Variants in FBXO4 observed in about 807,000 individuals in gnomAD.
FBXO4 encodes the protein F-box protein 4.
In FBXO4, 36 loss-of-function variants were observed where a neutral mutation model predicts 43.7. That is an observed-to-expected ratio of 0.82 (90% CI 0.63 to 1.09). The LOEUF is 1.09. Ranked by LOEUF, FBXO4 falls within the 50% of genes least tolerant of loss-of-function variation. The pLI is 0.00. For synonymous variants in FBXO4, 180 were observed against 165.6 expected (o/e 1.09, Z -0.67); for missense variants, 435 against 474.1 (o/e 0.92, Z 0.77).
chr5:41,962,346 T>C, the FBXO4 span, among the ~76,000 whole-genome samples: 1 of 152,292 alleles, frequency 6.6e-6, no homozygotes, highest in East Asian at 1.9e-4. Context: ...GAGGGATTCT[T>C]ATTAGCTATC....
chr5:42,008,548 G>A, the FBXO4 span, among the ~76,000 whole-genome samples: 1 of 152,092 alleles, frequency 6.6e-6, no homozygotes, highest in Non-Finnish European at 1.5e-5. Context: ...CTAAGACTTT[G>A]TGCCTACAGA....
At chr5:42,021,822 CAG>C in the FBXO4 span, among the ~76,000 whole-genome samples, 1 of 151,836 alleles carries the variant, frequency 6.6e-6, no homozygotes, top group South Asian at 2.1e-4. Context: ...TTTAAAGAGA[CAG>C]AATGTTGAAG....
intron 6 of FBXO4, 121 bp from the exon 7 acceptor site, chr5:41,941,071 A>G (rs989335379): frequency 1.5e-6 from 1 of 662,372 alleles, no homozygotes; most frequent in Non-Finnish European, 2.5e-6. Context: ...AACTTATCCA[A>G]AGTTTATTGG....
the FBXO4 span, among the ~76,000 whole-genome samples, chr5:42,018,048 TG>T: frequency 6.6e-6 from 1 of 151,540 alleles, no homozygotes; most frequent in Non-Finnish European, 1.5e-5. Context: ...AGAACCTCAA[TG>T]GGAGACTCTA....
the FBXO4 span, among the ~76,000 whole-genome samples, chr5:42,026,220 A>T: frequency 6.6e-6 from 1 of 151,580 alleles, no homozygotes; most frequent in Non-Finnish European, 1.5e-5. Context: ...TCTTTTATCA[A>T]TGTTTTATAG....
the FBXO4 span, among the ~76,000 whole-genome samples, chr5:41,970,656 C>CTTAG: frequency 1.3e-5 from 2 of 151,588 alleles, no homozygotes; most frequent in Non-Finnish European, 1.5e-5. Context: ...AACAAAATAA[C>CTTAG]TTAGTGTAAG....
the FBXO4 span, among the ~76,000 whole-genome samples, chr5:42,030,477 A>C: frequency 8.6e-5 from 13 of 152,010 alleles, no homozygotes; most frequent in Admixed American, 1.3e-4. Flanking sequence ...TAAAGACTTA[A>C]ATGTTAGACC....
At chr5:41,933,348 T>C (rs553101280) in intron 3 of FBXO4, among the ~76,000 whole-genome samples, 2 of 152,244 alleles carry the variant, frequency 1.3e-5, no homozygotes, top group South Asian at 4.1e-4. Flanking sequence ...CCCAAGTACC[T>C]GGGAAACAGG....
chr5:42,002,670 CATCT>C, the FBXO4 span, among the ~76,000 whole-genome samples: 1 of 152,148 alleles, frequency 6.6e-6, no homozygotes, highest in Non-Finnish European at 1.5e-5. Context: ...GTATCTATGT[CATCT>C]ATCTATACCA....
chr5:41,971,173 T>C, the FBXO4 span, among the ~76,000 whole-genome samples: 3 of 151,410 alleles, frequency 2.0e-5, no homozygotes, highest in East Asian at 5.8e-4. Context: ...GTATGTACAA[T>C]AAAATTTTAT....
chr5:42,007,246 A>T, the FBXO4 span, among the ~76,000 whole-genome samples: 3 of 151,940 alleles, frequency 2.0e-5, no homozygotes, highest in African/African-American at 4.8e-5. Flanking sequence ...CTCTAAAAAA[A>T]TAGTATGAAA....
the FBXO4 span, among the ~76,000 whole-genome samples, chr5:42,025,722 GGAGA>G: frequency 2.0e-5 from 3 of 151,866 alleles, no homozygotes; most frequent in Non-Finnish European, 4.4e-5. Context: ...TTTTGTGAAT[GGAGA>G]GAGAGAGGAG....
chr5:41,952,419 T>C, the FBXO4 span, among the ~76,000 whole-genome samples: 1 of 152,250 alleles, frequency 6.6e-6, no homozygotes, highest in Non-Finnish European at 1.5e-5. Flanking sequence ...TTATATAATA[T>C]ATTGGCATGA....
chr5:42,022,095 C>A, the FBXO4 span, among the ~76,000 whole-genome samples: 1 of 152,106 alleles, frequency 6.6e-6, no homozygotes, highest in Non-Finnish European at 1.5e-5. Flanking sequence ...TGATCTCATT[C>A]ATAAGAAGGG....
At chr5:41,934,604 G>A (rs966381107) in intron 5 of FBXO4, 1 of 1,294,472 alleles carries the variant, frequency 7.7e-7, no homozygotes, top group Admixed American at 3.4e-5. Context: ...AGGGAATTCT[G>A]ATGCATTCCA....
chr5:42,016,176 C>T, the FBXO4 span, among the ~76,000 whole-genome samples: 4 of 152,086 alleles, frequency 2.6e-5, no homozygotes, highest in African/African-American at 9.7e-5. Flanking sequence ...TTCCCTTTTC[C>T]ATGCTCATCT....
At chr5:41,949,731 A>G in the FBXO4 span, among the ~76,000 whole-genome samples, 1 of 152,186 alleles carries the variant, frequency 6.6e-6, no homozygotes, top group South Asian at 2.1e-4. Flanking sequence ...GTTCATATGG[A>G]ATCAAAAAAG....
chr5:42,013,949 A>T, the FBXO4 span, among the ~76,000 whole-genome samples: 1 of 152,200 alleles, frequency 6.6e-6, no homozygotes, highest in Non-Finnish European at 1.5e-5. Flanking sequence ...CTGAAAGATC[A>T]TATGCTCCAT....
At chr5:41,969,591 C>A in the FBXO4 span, among the ~76,000 whole-genome samples, 10 of 152,178 alleles carry the variant, frequency 6.6e-5, no homozygotes, top group African/African-American at 2.4e-4. Flanking sequence ...ATAATTCATG[C>A]ATGCTACTAT....
Sources: gnomAD v4.1 joint callset for allele counts (sites outside exome capture counted in the v4.1 genomes callset) on GRCh38, gnomAD v4.1.1 for gene constraint, MANE v1.5 for transcripts, NCBI Gene and HGNC (gene_info 2026-07-23, HGNC 2026-07-21) for gene names.